The following CACNA2D1 variants were observed in gnomAD, a reference collection of about 807,000 sequenced individuals.
The protein encoded by CACNA2D1 is calcium voltage-gated channel auxiliary subunit alpha2delta 1, also known as voltage-dependent calcium channel subunit alpha-2/delta-1.
Under a neutral mutation model 171.5 loss-of-function variants are expected in CACNA2D1, and 53 were observed. That is an observed-to-expected ratio of 0.31 (90% CI 0.25 to 0.39). The LOEUF is 0.39. CACNA2D1 is among the 10% of genes least tolerant of loss of function. CACNA2D1 has a pLI of 1.00. For synonymous variants in CACNA2D1, 442 were observed against 443.1 expected, an observed-to-expected ratio of 1.00 and a Z score of 0.03; for missense variants, 903 against 1,299.8, an observed-to-expected ratio of 0.69 and a Z score of 4.69.
At chr7:81,978,776 C>T (rs1233797759) in intron 24 of CACNA2D1, among the ~76,000 whole-genome samples, 3 of 115,296 alleles carry the variant, frequency 2.6e-5, no homozygotes, top group African/African-American at 6.6e-5. Context: ...TATATACACA[C>T]ACACACACAC....
intron 3 of CACNA2D1, among the ~76,000 whole-genome samples, chr7:82,233,509 T>C (rs190429761): frequency 1.2e-3 from 182 of 152,296 alleles, no homozygotes; most frequent in African/African-American, 4.2e-3. Flanking sequence ...GTGACCTTTA[T>C]TGAAGTATTC....
intron 3 of CACNA2D1, among the ~76,000 whole-genome samples, chr7:82,191,878 T>C (rs960427513): frequency 6.6e-6 from 1 of 151,808 alleles, no homozygotes; most frequent in African/African-American, 2.4e-5. Flanking sequence ...CTTAATGAGA[T>C]ACGCTTTTCT....
chr7:82,304,399 C>T (rs968997027), intron 3 of CACNA2D1, among the ~76,000 whole-genome samples: 1 of 151,174 alleles, frequency 6.6e-6, no homozygotes, highest in African/African-American at 2.4e-5. Flanking sequence ...ACCTGCACTC[C>T]CAAGTATGTT....
At chr7:82,411,895 TCA>T (rs5885295) in intron 1 of CACNA2D1, among the ~76,000 whole-genome samples, 140 of 144,622 alleles carry the variant, frequency 9.7e-4, no homozygotes, top group Non-Finnish European at 1.5e-3. Flanking sequence ...AAACTAAATC[TCA>T]CACACACACA....
chr7:82,259,805 A>T (rs1010884063), intron 3 of CACNA2D1, among the ~76,000 whole-genome samples: 12 of 152,200 alleles, frequency 7.9e-5, no homozygotes, highest in African/African-American at 2.7e-4. Flanking sequence ...ACTAACACTT[A>T]TTAGTTATTT....
intron 3 of CACNA2D1, among the ~76,000 whole-genome samples, chr7:82,185,053 C>T (rs1189335814): frequency 6.6e-6 from 1 of 152,116 alleles, no homozygotes; most frequent in Non-Finnish European, 1.5e-5. Flanking sequence ...TTGTCTCTAC[C>T]CTACCTGATG....
chr7:82,399,575 T>C (rs1459458665), intron 1 of CACNA2D1, among the ~76,000 whole-genome samples: 1 of 152,094 alleles, frequency 6.6e-6, no homozygotes, highest in South Asian at 2.1e-4. Context: ...ACATTTCCCA[T>C]TTATAAACAA....
intron 1 of CACNA2D1, among the ~76,000 whole-genome samples, chr7:82,368,521 TTTTAC>T (rs1822000151): frequency 1.3e-5 from 2 of 152,344 alleles, no homozygotes; most frequent in Admixed American, 1.3e-4. Context: ...CCATGTACTA[TTTTAC>T]TTTACTTTAA....
chr7:82,244,479 C>G (rs1311583817), intron 3 of CACNA2D1, among the ~76,000 whole-genome samples: 1 of 152,052 alleles, frequency 6.6e-6, no homozygotes, highest in African/African-American at 2.4e-5. Flanking sequence ...TTTTGGTTTT[C>G]TACAGTAGAC....
intron 7 of CACNA2D1, among the ~76,000 whole-genome samples, chr7:82,073,434 C>T (rs910958562): frequency 4.6e-5 from 7 of 152,130 alleles, no homozygotes; most frequent in South Asian, 2.1e-4. Flanking sequence ...CTATTTCTCA[C>T]TGCATAGATT....
chr7:82,367,776 G>A (rs928690690), intron 1 of CACNA2D1, among the ~76,000 whole-genome samples: 5 of 152,134 alleles, frequency 3.3e-5, no homozygotes, highest in African/African-American at 4.8e-5. Context: ...TACTGGAAAA[G>A]CATGGACTTT....
chr7:82,402,295 C>A (rs1222530528), intron 1 of CACNA2D1, among the ~76,000 whole-genome samples: 1 of 152,178 alleles, frequency 6.6e-6, no homozygotes, highest in East Asian at 1.9e-4. Context: ...GTACCATGTT[C>A]CAGATACTTT....
At chr7:82,301,371 T>A (rs1024897530) in intron 3 of CACNA2D1, among the ~76,000 whole-genome samples, 1 of 152,132 alleles carries the variant, frequency 6.6e-6, no homozygotes, top group African/African-American at 2.4e-5. Flanking sequence ...GTGATCCGCC[T>A]GCCTCAGCCT....
chr7:82,140,742 T>A (rs1463592875), intron 4 of CACNA2D1, among the ~76,000 whole-genome samples: 1 of 151,718 alleles, frequency 6.6e-6, no homozygotes, highest in African/African-American at 2.4e-5. Context: ...GATCACAAGG[T>A]CTGGAGATCG....
At chr7:82,014,320 C>T (rs545797927) in intron 13 of CACNA2D1, 81 bp downstream of exon 13, 9 of 764,070 alleles carry the variant, frequency 1.2e-5, no homozygotes, top group South Asian at 1.2e-4. Flanking sequence ...ACAATTTTAG[C>T]TTATTTTAAA....
intron 3 of CACNA2D1, among the ~76,000 whole-genome samples, chr7:82,291,137 G>A (rs926998559): frequency 9.3e-6 from 1 of 107,114 alleles, no homozygotes; most frequent in African/African-American, 3.1e-5. Context: ...ACAAGTGCAG[G>A]CCACTTGTAC....
chr7:82,290,579 TAA>T (rs113699646), intron 3 of CACNA2D1, among the ~76,000 whole-genome samples: 141 of 135,930 alleles, frequency 1.0e-3, no homozygotes, highest in Non-Finnish European at 1.1e-3. Flanking sequence ...GGTCGTATAT[TAA>T]AAAAAAAAAA....
At chr7:81,955,227 G>C (rs1046373388) in intron 38 of CACNA2D1, among the ~76,000 whole-genome samples, 1 of 151,916 alleles carries the variant, frequency 6.6e-6, no homozygotes, top group East Asian at 1.9e-4. Flanking sequence ...CGGGTATAAG[G>C]GCCCCTTGGT....
chr7:82,374,178 G>A (rs1286721015), intron 1 of CACNA2D1, among the ~76,000 whole-genome samples: 3 of 152,202 alleles, frequency 2.0e-5, no homozygotes, highest in African/African-American at 7.2e-5. Context: ...AGAACACAAT[G>A]CCTGTCAAAG....
Sources: gnomAD v4.1 joint callset for allele counts (sites outside exome capture counted in the v4.1 genomes callset) on GRCh38, gnomAD v4.1.1 for gene constraint, MANE v1.5 for transcripts, NCBI Gene and HGNC (gene_info 2026-07-23, HGNC 2026-07-21) for gene names.